GRB10: variants seen among roughly 807,000 people sequenced by gnomAD.
GRB10 encodes the protein growth factor receptor bound protein 10.
Under a neutral mutation model 80.9 loss-of-function variants are expected in GRB10, and 20 were observed. That is an observed-to-expected ratio of 0.25 (90% confidence interval 0.17 to 0.36). The LOEUF (loss-of-function observed/expected upper bound fraction) is 0.36, where lower values mean the gene tolerates loss of function less well. GRB10 is among the 10% of genes least tolerant of loss of function. The probability of loss-of-function intolerance (pLI) is 1.00; values close to 1 mark genes in which losing one functional copy is unlikely to be tolerated. For missense variants in GRB10, 548 were observed against 747.7 expected, an observed-to-expected ratio of 0.73 and a Z score of 3.12; for synonymous variants, 291 against 291.5, an observed-to-expected ratio of 1.00 and a Z score of 0.02.
chr7:50,671,759 G>A (rs560336569), intron 6 of GRB10, among the ~76,000 whole-genome samples: 11 of 152,372 alleles, frequency 7.2e-5, no homozygotes, highest in East Asian at 1.9e-4. Flanking sequence ...ACGTTTTAGT[G>A]TCCACAAAAG....
In GRB10 at chr7:50,674,672, G is replaced by A. The variant is rs772600582; in HGVS notation, c.140-14C>T. On this transcript the variant is annotated splice_polypyrimidine_tract_variant and intron_variant, in intron 5 of 18. Transcript: ENST00000401949. ...CCACATCATCCTCTGCACAGAAAAAGGCAAGAGCAAAAAAGAAACTTTAAC... is the reference window on the plus strand; with the variant it reads ...CCACATCATCCTCTGCACAGAAAAAAGCAAGAGCAAAAAAGAAACTTTAAC... The A allele has an allele frequency of 6.2e-7, 1 of 1,610,440 alleles. No individual in the cohort carries two copies. Among genetic ancestry groups the A allele is most frequent in the Middle Eastern group, 1.7e-4 (1 of 6,054 alleles).
chr7:50,771,744 C>A (rs988544801), intron 2 of GRB10, among the ~76,000 whole-genome samples: 3 of 152,196 alleles, frequency 2.0e-5, no homozygotes, highest in Admixed American at 1.3e-4. Flanking sequence ...CCAGGCCTCC[C>A]CACAGCTTCA....
At chr7:50,605,861 A>T (rs1323825649) in intron 14 of GRB10, among the ~76,000 whole-genome samples, 2 of 152,164 alleles carry the variant, frequency 1.3e-5, no homozygotes, top group Non-Finnish European at 2.9e-5. Flanking sequence ...GACCCTCAGG[A>T]CTGTATTTTG....
At chr7:50,692,301 C>T (rs1054044376) in intron 5 of GRB10, among the ~76,000 whole-genome samples, 1 of 152,102 alleles carries the variant, frequency 6.6e-6, no homozygotes, top group Non-Finnish European at 1.5e-5. Context: ...CACACACACA[C>T]ACACACGCAC....
chr7:50,668,825 T>C (rs927784106), intron 7 of GRB10, among the ~76,000 whole-genome samples: 2 of 152,240 alleles, frequency 1.3e-5, no homozygotes, highest in Non-Finnish European at 2.9e-5. Context: ...AGCTGACTTG[T>C]TGGCTGTTTG....
intron 4 of GRB10, among the ~76,000 whole-genome samples, chr7:50,711,230 G>C (rs1358208384): frequency 6.7e-6 from 1 of 150,052 alleles, no homozygotes; most frequent in African/African-American, 2.4e-5. Flanking sequence ...GCTCCTGAGG[G>C]TGCAGTTAAA....
At chr7:50,627,910 G>C (rs1396216145) in intron 7 of GRB10, among the ~76,000 whole-genome samples, 1 of 152,186 alleles carries the variant, frequency 6.6e-6, no homozygotes, top group South Asian at 2.1e-4. Context: ...GGCTGTCTCC[G>C]GGCAGCAGGG....
intron 17 of GRB10, chr7:50,595,805 A>G: frequency 2.6e-6 from 1 of 386,148 alleles, no homozygotes; most frequent in Non-Finnish European, 4.8e-6. Flanking sequence ...GGGCAGGGAA[A>G]CTATAGGATG....
Position 50,751,421 on chromosome 7 carries a change from C to T in GRB10, c.-47+4466G>A, listed in dbSNP as rs376970396. The stretch of plus-strand genomic sequence containing the variant: ...GATGCATCTATACAATGGAACACTA[C>T]TCAGCATTAAAAAGGAGTGAAATAT... On this transcript the variant is annotated intron_variant, in intron 3 of 18. Transcript: ENST00000401949. 3.1e-4 allele frequency among the ~76,000 whole-genome samples: 47 copies of T among 152,268 alleles called. 5 individuals are homozygous for T. The highest frequency in any genetic ancestry group is 2.4e-3 in the Admixed American group (37 of 15,300).
intron 7 of GRB10, among the ~76,000 whole-genome samples, chr7:50,638,929 CT>C (rs1453577878): frequency 1.3e-5 from 2 of 152,226 alleles, no homozygotes; most frequent in African/African-American, 4.8e-5. Flanking sequence ...GAAATCATGT[CT>C]TCTGCAGCAA....
At chr7:50,612,967 G>T (rs914051003) in intron 12 of GRB10, 128 bp from the exon 13 acceptor site, 3 of 714,534 alleles carry the variant, frequency 4.2e-6, no homozygotes, top group Non-Finnish European at 7.8e-6. Context: ...AAGGAGCACA[G>T]CAGATACACA....
Position 50,658,994 on chromosome 7 carries a change from A to G in GRB10, c.504+10728T>C, listed in dbSNP as rs114926500. ...CAAAGCTGCCAGAAAAGTCTAAAAA[A>G]GTGAGGATGACATTCACCATTTTAA... On this transcript the variant is annotated intron_variant, in intron 7 of 18. Transcript: ENST00000401949. Among the ~76,000 whole-genome samples the G allele has an allele frequency of 8.3e-3, 1,270 of 152,362 alleles. 17 individuals are homozygous for G. The highest frequency in any genetic ancestry group is 0.029 in the African/African-American group (1,213 of 41,574).
intron 7 of GRB10, among the ~76,000 whole-genome samples, chr7:50,631,911 C>T (rs1022507013): frequency 3.9e-5 from 6 of 152,272 alleles, no homozygotes; most frequent in African/African-American, 9.6e-5. Context: ...CAGGGCTCCC[C>T]GCCCTGGCTC....
At chr7:50,617,681 G>A (rs979373651) in intron 10 of GRB10, among the ~76,000 whole-genome samples, 4 of 152,216 alleles carry the variant, frequency 2.6e-5, no homozygotes, top group Non-Finnish European at 5.9e-5. Context: ...TGCTTCTGCA[G>A]AGATTTCCAA....
At chr7:50,626,060 T>C (rs974519453) in intron 8 of GRB10, among the ~76,000 whole-genome samples, 6 of 152,250 alleles carry the variant, frequency 3.9e-5, no homozygotes, top group Admixed American at 2.0e-4. Flanking sequence ...AATATTTTAC[T>C]ATGACTTTGT....
At chr7:50,620,531 G>A (rs765853629) in intron 8 of GRB10, among the ~76,000 whole-genome samples, 3 of 152,138 alleles carry the variant, frequency 2.0e-5, no homozygotes, top group Admixed American at 6.5e-5. Context: ...GCTCGGCCCC[G>A]GTTTTGACAT....
At chr7:50,761,777 G>C (rs1283821587) in intron 2 of GRB10, 1 of 152,260 alleles carries the variant, frequency 6.6e-6, no homozygotes, top group East Asian at 1.9e-4. Context: ...GGTGGAAGGT[G>C]ACTGGACTGT....
intron 7 of GRB10, among the ~76,000 whole-genome samples, chr7:50,665,625 C>T (rs2059717865): frequency 6.6e-6 from 1 of 152,348 alleles, no homozygotes; most frequent in Non-Finnish European, 1.5e-5. Context: ...GGGTGCCACC[C>T]CACGTGGGGG....
chr7:50,639,673 C>CAA (rs544650823), intron 7 of GRB10, among the ~76,000 whole-genome samples: 8 of 125,372 alleles, frequency 6.4e-5, no homozygotes, highest in Non-Finnish European at 1.0e-4. Context: ...GACTCTGTCT[C>CAA]AAAAAAAAAA....
Sources: allele counts gnomAD v4.1 joint callset (sites outside exome capture counted in the v4.1 genomes callset), GRCh38; gene constraint gnomAD v4.1.1; transcripts MANE v1.5; gene names NCBI Gene and HGNC (gene_info 2026-07-23, HGNC 2026-07-21).